DNER: variants seen among roughly 807,000 people sequenced by gnomAD.
The protein encoded by DNER is delta and Notch-like epidermal growth factor-related receptor.
Under a neutral mutation model 78.2 loss-of-function variants are expected in DNER, and 33 were observed. The ratio of observed to expected loss-of-function variants is 0.42; its 90% CI spans 0.32 to 0.56. DNER has a LOEUF of 0.56. DNER is among the 20% of genes least tolerant of loss of function. DNER has a pLI of 0.11. For missense variants in DNER, 918 were observed against 975.3 expected (o/e 0.94, Z 0.78); for synonymous variants, 417 against 384.8 (o/e 1.08, Z -0.98).
chr2:229,666,028 A>G (rs1301630028), intron 1 of DNER, among the ~76,000 whole-genome samples: 1 of 152,198 alleles, frequency 6.6e-6, no homozygotes, highest in Non-Finnish European at 1.5e-5. Flanking sequence ...TGGGCTTGGT[A>G]TCCAAATCCA....
intron 1 of DNER, among the ~76,000 whole-genome samples, chr2:229,632,471 A>G (rs1029112995): frequency 2.0e-5 from 3 of 152,220 alleles, no homozygotes; most frequent in African/African-American, 7.2e-5. Flanking sequence ...TGTCTCCTTA[A>G]TAAAGCACTA....
intron 9 of DNER, among the ~76,000 whole-genome samples, chr2:229,412,694 A>T (rs1391386869): frequency 1.3e-5 from 2 of 152,216 alleles, no homozygotes; most frequent in Non-Finnish European, 2.9e-5. Context: ...CACGTCATTC[A>T]TGGCATCTGG....
chr2:229,393,303 C>T (rs992791857), intron 10 of DNER, among the ~76,000 whole-genome samples: 1 of 151,888 alleles, frequency 6.6e-6, no homozygotes, highest in Non-Finnish European at 1.5e-5. Context: ...TGGCACATGC[C>T]TATAATCCCA....
At chr2:229,500,338 A>C (rs1387947043) in intron 6 of DNER, among the ~76,000 whole-genome samples, 4 of 152,238 alleles carry the variant, frequency 2.6e-5, no homozygotes, top group Admixed American at 2.6e-4. Context: ...CCACGATGAG[A>C]TATCAAGTCA....
At chr2:229,509,921 C>A (rs1695829961) in intron 6 of DNER, among the ~76,000 whole-genome samples, 2 of 152,082 alleles carry the variant, frequency 1.3e-5, no homozygotes, top group Non-Finnish European at 2.9e-5. Flanking sequence ...GTAAGGAATA[C>A]AGGGTTATAG....
intron 6 of DNER, among the ~76,000 whole-genome samples, chr2:229,499,501 A>G (rs1388959966): frequency 6.6e-6 from 1 of 152,010 alleles, no homozygotes; most frequent in Non-Finnish European, 1.5e-5. Flanking sequence ...TCTAAAATAA[A>G]TGGTGGTGGG....
intron 1 of DNER, among the ~76,000 whole-genome samples, chr2:229,705,643 TC>T (rs1248999342): frequency 2.6e-5 from 4 of 152,108 alleles, no homozygotes; most frequent in Non-Finnish European, 4.4e-5. Flanking sequence ...TGGGCTCAGA[TC>T]CCCAACTCTG....
chr2:229,481,332 C>T (rs975478249), intron 6 of DNER, among the ~76,000 whole-genome samples: 3 of 152,134 alleles, frequency 2.0e-5, no homozygotes, highest in African/African-American at 7.2e-5. Context: ...AACTGTATTA[C>T]TCCCATTACA....
At chr2:229,659,769 C>A (rs1414235176) in intron 1 of DNER, among the ~76,000 whole-genome samples, 1 of 152,154 alleles carries the variant, frequency 6.6e-6, no homozygotes, top group African/African-American at 2.4e-5. Flanking sequence ...AATAGGATAA[C>A]CTGTACTCTA....
At chr2:229,618,950 A>G (rs1698210004) in intron 1 of DNER, among the ~76,000 whole-genome samples, 2 of 152,162 alleles carry the variant, frequency 1.3e-5, no homozygotes, top group South Asian at 4.2e-4. Context: ...GCTGAGCAAT[A>G]TAGCGAGACT....
Position 229,388,339 on chromosome 2 carries a change from C to G in DNER, c.1781G>C (p.Gly594Ala). ...ECDSNPCHHGGSCLDQPNGYN... is the reference protein window; with the variant it reads ...ECDSNPCHHGASCLDQPNGYN... Reference sequence around the variant, plus strand: ...ACCATTGGGCTGGTCCAGGCAGCTCCCACCATGGTGGCAGGGGTTACTGTC... The same window carrying G: ...ACCATTGGGCTGGTCCAGGCAGCTCGCACCATGGTGGCAGGGGTTACTGTC... Residue 594 changes from glycine (G) to alanine (A), a missense_variant, in exon 11 of 13, where the codon GGG becomes GCG. Transcript: ENST00000341772. The G allele has an allele frequency of 6.2e-7, 1 of 1,611,834 alleles. No individual in the cohort carries two copies. The highest frequency in any genetic ancestry group is 1.1e-5 in the South Asian group (1 of 90,846).
intron 1 of DNER, among the ~76,000 whole-genome samples, chr2:229,664,231 T>A (rs1302996482): frequency 1.3e-5 from 2 of 152,194 alleles, no homozygotes; most frequent in Admixed American, 1.3e-4. Context: ...ACACTGTAAG[T>A]AAGCAATTTG....
rs142237935 is a variant in DNER, at chr2:229,468,755, C to T, written c.1261+8385G>A. Among the ~76,000 whole-genome samples, 348 of 152,312 alleles carry T rather than the reference C, an allele frequency of 2.3e-3. 2 individuals are homozygous for T. Among genetic ancestry groups the T allele is most frequent in the African/African-American group, 7.8e-3 (324 of 41,568 alleles). On this transcript the variant is annotated intron_variant, in intron 7 of 12. Transcript: ENST00000341772. ...TCTTGATAAATCAGCTCTGTCTAGG[C>T]AGTGGGCAGGGTGAACCCATTAGGT...
intron 5 of DNER, among the ~76,000 whole-genome samples, chr2:229,516,169 T>C (rs1486943227): frequency 2.6e-5 from 4 of 152,260 alleles, no homozygotes; most frequent in African/African-American, 9.6e-5. Flanking sequence ...TAAATATTTG[T>C]ATATTCTCTA....
chr2:229,634,162 T>C (rs552147283), intron 1 of DNER, among the ~76,000 whole-genome samples: 19 of 152,306 alleles, frequency 1.2e-4, no homozygotes, highest in African/African-American at 4.6e-4. Context: ...AGACCATGGT[T>C]GTAACTTTCG....
rs145233083 is a variant in DNER at position 229,436,468 on chromosome 2, A to C, written c.1486+10848T>G. ...GCAGAGAACACCTATGAAATACTAC[A>C]AAAGAAGGCCATGCCCAAGATAGTC... On this transcript the variant is annotated intron_variant, in intron 8 of 12. Coordinates refer to ENST00000341772, the MANE Select transcript of DNER (RefSeq NM_139072.4). Among the ~76,000 whole-genome samples, 649 of 152,318 alleles carry C rather than the reference A, an allele frequency of 4.3e-3. 1 individual carries two copies. Among genetic ancestry groups the C allele is most frequent in the African/African-American group, 0.015 (624 of 41,572 alleles).
At chr2:229,594,897 GATTGAGGACTTACT>G (rs1468597696) in intron 1 of DNER, among the ~76,000 whole-genome samples, 2 of 139,992 alleles carry the variant, frequency 1.4e-5, no homozygotes, top group Non-Finnish European at 3.0e-5. Flanking sequence ...AAGGAACACT[GATTGAGGACTTACT>G]ATGACAAGAA....
chr2:229,711,246 T>G (rs537752116), intron 1 of DNER, among the ~76,000 whole-genome samples: 61 of 152,266 alleles, frequency 4.0e-4, no homozygotes, highest in Middle Eastern at 3.4e-3. Flanking sequence ...TCAGCTTGTT[T>G]TGATGTGGAG....
intron 12 of DNER, among the ~76,000 whole-genome samples, chr2:229,359,877 C>T (rs1056275186): frequency 4.6e-5 from 7 of 152,202 alleles, no homozygotes; most frequent in Non-Finnish European, 8.8e-5. Context: ...CTATGCCAGA[C>T]AGGCACCAGG....
Sources: allele counts gnomAD v4.1 joint callset (sites outside exome capture counted in the v4.1 genomes callset), GRCh38; gene constraint gnomAD v4.1.1; transcripts MANE v1.5; gene names NCBI Gene and HGNC (gene_info 2026-07-23, HGNC 2026-07-21).